The following TFPI variants were observed in gnomAD, a reference collection of about 807,000 sequenced individuals.
The protein encoded by TFPI is anti-convertin.
TFPI carries 15 observed loss-of-function variants against 34.6 expected under a neutral mutation model. The ratio of observed to expected loss-of-function variants is 0.43; its 90% confidence interval spans 0.29 to 0.67. The LOEUF is 0.67. TFPI is among the 30% of genes least tolerant of loss of function. The pLI is 0.15. For synonymous variants in TFPI, 105 were observed against 120.1 expected (o/e 0.87, Z 0.82); for missense variants, 301 against 364.0 (o/e 0.83, Z 1.41).
At chr2:187,552,860 A>T (rs1187532292) in intron 1 of TFPI, among the ~76,000 whole-genome samples, 1 of 152,102 alleles carries the variant, frequency 6.6e-6, no homozygotes, top group African/African-American at 2.4e-5. Context: ...TCAAATCAGT[A>T]AAAATAAATA....
intron 6 of TFPI, 105 bp downstream of exon 6, chr2:187,484,019 G>A (rs550174753): frequency 2.3e-5 from 20 of 865,798 alleles, no homozygotes; most frequent in East Asian, 5.4e-5. Flanking sequence ...AAGCAACAAC[G>A]CAGGTATATA....
intron 1 of TFPI, among the ~76,000 whole-genome samples, chr2:187,538,471 AAACT>A (rs1688390030): frequency 6.6e-6 from 1 of 152,226 alleles, no homozygotes; most frequent in South Asian, 2.1e-4. Context: ...CATTCTCAGC[AAACT>A]AACACAGGAA....
chr2:187,527,511 A>G (rs1687740127), intron 1 of TFPI, among the ~76,000 whole-genome samples: 1 of 152,166 alleles, frequency 6.6e-6, no homozygotes, highest in Non-Finnish European at 1.5e-5. Context: ...CCACGTACCA[A>G]ATTCTAACAA....
At chr2:187,545,222 A>C (rs1026704455) in intron 1 of TFPI, among the ~76,000 whole-genome samples, 1 of 152,222 alleles carries the variant, frequency 6.6e-6, no homozygotes, top group African/African-American at 2.4e-5. Context: ...AAAACTGTTC[A>C]CTGTATAGAA....
rs369320355 is a variant in TFPI at position 187,554,345 on chromosome 2, A to T, written c.-148T>A. ...CAGATCAAGAAACTGGCGATTGAAGAGTAACTGAAAGAAACGCAATCTGAT... is the reference window on the plus strand; with the variant it reads ...CAGATCAAGAAACTGGCGATTGAAGTGTAACTGAAAGAAACGCAATCTGAT... On this transcript the variant is annotated 5_prime_UTR_variant, in exon 1 of 8. Coordinates refer to ENST00000233156, the MANE Select transcript of TFPI (RefSeq NM_006287.6). 4.6e-5 allele frequency: 7 copies of T among 152,324 alleles called. No homozygotes were observed. The East Asian group carries it at 1.2e-3, about 25-fold the overall frequency. 9.4% of individuals were successfully genotyped at this position (152,324 alleles called of 1,614,324 possible).
At chr2:187,518,714 G>C (rs1687173220) in intron 1 of TFPI, 5 of 152,290 alleles carry the variant, frequency 3.3e-5, no homozygotes, top group Admixed American at 2.6e-4. Flanking sequence ...AGTTCTCCTG[G>C]ATAATATCCC....
intron 1 of TFPI, among the ~76,000 whole-genome samples, chr2:187,542,704 T>G (rs557541140): frequency 6.6e-6 from 1 of 151,970 alleles, no homozygotes; most frequent in African/African-American, 2.4e-5. Flanking sequence ...CTCTCTCTAC[T>G]AAAAATACAA....
intron 6 of TFPI, among the ~76,000 whole-genome samples, chr2:187,470,957 A>G (rs1166020176): frequency 6.6e-6 from 1 of 152,190 alleles, no homozygotes; most frequent in Non-Finnish European, 1.5e-5. Context: ...GATTTCAACC[A>G]CTGCTTACGC....
intron 6 of TFPI, among the ~76,000 whole-genome samples, chr2:187,469,856 G>A (rs1238266039): frequency 6.6e-6 from 1 of 152,060 alleles, no homozygotes; most frequent in Non-Finnish European, 1.5e-5. Flanking sequence ...TTTTCTAGCA[G>A]TCTAGGAGAG....
intron 1 of TFPI, chr2:187,517,749 T>C (rs1192625821): frequency 1.3e-5 from 2 of 152,222 alleles, no homozygotes; most frequent in Admixed American, 6.5e-5. Context: ...GGTGTTTAAG[T>C]CTCCTACTAT....
intron 6 of TFPI, among the ~76,000 whole-genome samples, chr2:187,473,267 T>C (rs985327622): frequency 3.3e-5 from 5 of 152,172 alleles, no homozygotes; most frequent in Non-Finnish European, 7.3e-5. Context: ...ATGATTACTA[T>C]AGAGATAGCT....
chr2:187,476,758 C>T (rs954637093), intron 6 of TFPI, among the ~76,000 whole-genome samples: 3 of 152,126 alleles, frequency 2.0e-5, no homozygotes, highest in African/African-American at 2.4e-5. Context: ...TAAGCTATTT[C>T]TACCACATTA....
intron 3 of TFPI, among the ~76,000 whole-genome samples, chr2:187,494,915 G>T (rs1304257568): frequency 6.6e-6 from 1 of 152,050 alleles, no homozygotes; most frequent in Non-Finnish European, 1.5e-5. Flanking sequence ...TAGGGACGGA[G>T]TTTCACCATA....
At chr2:187,550,158 G>T (rs1281438509) in intron 1 of TFPI, among the ~76,000 whole-genome samples, 1 of 152,102 alleles carries the variant, frequency 6.6e-6, no homozygotes, top group Non-Finnish European at 1.5e-5. Context: ...CAGAAAGAAA[G>T]ATCCAGAGAT....
intron 6 of TFPI, among the ~76,000 whole-genome samples, chr2:187,477,627 G>A (rs192623040): frequency 1.3e-5 from 2 of 152,182 alleles, no homozygotes; most frequent in Non-Finnish European, 2.9e-5. Context: ...AACAAGAGGC[G>A]AGATAATAAC....
intron 2 of TFPI, among the ~76,000 whole-genome samples, chr2:187,501,626 C>T (rs1005289829): frequency 1.3e-5 from 2 of 152,012 alleles, no homozygotes; most frequent in African/African-American, 4.8e-5. Flanking sequence ...TCATTTACAG[C>T]TTAGGACACT....
chr2:187,478,699 C>A lies in TFPI; in HGVS notation c.628+5425G>T, dbSNP rs780566832. 4.3e-6 allele frequency: 7 copies of A among 1,613,110 alleles called. No individual in the cohort carries two copies. The African/African-American group carries it at 8.0e-5, about 18-fold the overall frequency. Reference sequence around the variant, plus strand: ...TATTAACATAGGCATGAAATGCTATCCAATCCTAGAAAGAACATGGATGCA... The same window carrying A: ...TATTAACATAGGCATGAAATGCTATACAATCCTAGAAAGAACATGGATGCA... On this transcript the variant is annotated intron_variant, in intron 6 of 7. Coordinates refer to ENST00000233156, the MANE Select transcript of TFPI (RefSeq NM_006287.6).
At chr2:187,478,933 G>C (rs1692595415) in intron 6 of TFPI, 1 of 677,646 alleles carries the variant, frequency 1.5e-6, no homozygotes, top group Non-Finnish European at 2.4e-6. Context: ...AAAAAATCTT[G>C]TAATCTAGAC....
At chr2:187,504,796 T>C (rs1348505903) in intron 1 of TFPI, among the ~76,000 whole-genome samples, 2 of 152,060 alleles carry the variant, frequency 1.3e-5, no homozygotes, top group African/African-American at 4.8e-5. Context: ...AGATACTCCA[T>C]CAAAAACAAT....
Sources: gnomAD v4.1 joint callset for allele counts (sites outside exome capture counted in the v4.1 genomes callset) on GRCh38, gnomAD v4.1.1 for gene constraint, MANE v1.5 for transcripts, NCBI Gene and HGNC (gene_info 2026-07-23, HGNC 2026-07-21) for gene names.